The following ACTMAP variants were observed in gnomAD, a reference collection of about 807,000 sequenced individuals.
ACTMAP encodes the protein actin maturation protease.
the ACTMAP span, chr19:40,741,769 T>C: frequency 2.2e-6 from 1 of 456,622 alleles, no homozygotes; most frequent in East Asian, 6.9e-5. Flanking sequence ...ATCTGTCAAA[T>C]CGGGTCCATC....
the ACTMAP span, among the ~76,000 whole-genome samples, chr19:40,743,471 G>A: frequency 6.6e-6 from 1 of 152,056 alleles, no homozygotes; most frequent in Non-Finnish European, 1.5e-5. Flanking sequence ...GACCTCAAGC[G>A]ATCCACCCAC....
At chr19:40,746,690 A>G in the ACTMAP span, among the ~76,000 whole-genome samples, 2 of 151,578 alleles carry the variant, frequency 1.3e-5, no homozygotes, top group Non-Finnish European at 2.9e-5. Context: ...TTGTATTTTT[A>G]GTAGATACGG....
chr19:40,746,368 C>A, the ACTMAP span, among the ~76,000 whole-genome samples: 9 of 151,566 alleles, frequency 5.9e-5, no homozygotes, highest in Admixed American at 2.6e-4. Context: ...TATAGGCATG[C>A]GCCACCATGC....
the ACTMAP span, among the ~76,000 whole-genome samples, chr19:40,747,743 G>C: frequency 6.6e-6 from 1 of 152,194 alleles, no homozygotes; most frequent in East Asian, 1.9e-4. Flanking sequence ...GCGCACATCT[G>C]TGGTCCCAGC....
chr19:40,746,567 G>A, the ACTMAP span, among the ~76,000 whole-genome samples: 3 of 152,124 alleles, frequency 2.0e-5, no homozygotes, highest in Non-Finnish European at 1.5e-5. Context: ...AGTAGCAACA[G>A]GGTTTCACCC....
the ACTMAP span, chr19:40,742,366 T>C: frequency 4.3e-6 from 6 of 1,384,990 alleles, no homozygotes; most frequent in Non-Finnish European, 4.8e-6. Context: ...CATCACACAG[T>C]GGGAGAAGTG....
the ACTMAP span, chr19:40,741,867 G>A: frequency 6.3e-4 from 286 of 456,024 alleles, 4 homozygotes; most frequent in African/African-American, 5.0e-3. Context: ...CTTTAAAACT[G>A]TGAAGACATG....
At chr19:40,741,771 G>A in the ACTMAP span, 13 of 456,620 alleles carry the variant, frequency 2.8e-5, no homozygotes, top group Admixed American at 7.0e-5. Flanking sequence ...CTGTCAAATC[G>A]GGTCCATCTA....
chr19:40,749,237 C>T, the ACTMAP span, among the ~76,000 whole-genome samples: 7 of 152,092 alleles, frequency 4.6e-5, no homozygotes, highest in Admixed American at 2.0e-4. Context: ...GTGATCCACC[C>T]GCCTCGGCCT....
chr19:40,743,159 C>T, the ACTMAP span, among the ~76,000 whole-genome samples: 1 of 152,020 alleles, frequency 6.6e-6, no homozygotes, highest in African/African-American at 2.4e-5. Flanking sequence ...GGCCTTCTTT[C>T]TTTCAGGCAG....
chr19:40,743,805 G>C, the ACTMAP span: 2 of 1,461,636 alleles, frequency 1.4e-6, no homozygotes, highest in South Asian at 1.2e-5. Flanking sequence ...GCCCAGCCTG[G>C]CTGGGGAGGC....
At chr19:40,750,088 G>A in the ACTMAP span, among the ~76,000 whole-genome samples, 1 of 152,156 alleles carries the variant, frequency 6.6e-6, no homozygotes, top group South Asian at 2.1e-4. Flanking sequence ...GGAGTCTTAG[G>A]TGGAGAGTTA....
the ACTMAP span, chr19:40,742,082 A>C: frequency 1.9e-6 from 1 of 515,700 alleles, no homozygotes; most frequent in Non-Finnish European, 3.8e-6. Flanking sequence ...CCTTGGGCTA[A>C]GGAGGGGTGA....
At chr19:40,748,079 G>A in the ACTMAP span, among the ~76,000 whole-genome samples, 1 of 152,104 alleles carries the variant, frequency 6.6e-6, no homozygotes, top group African/African-American at 2.4e-5. Context: ...ACACAACAGC[G>A]CCTGACATAG....
the ACTMAP span, chr19:40,745,167 A>AGAAGAG: frequency 6.4e-7 from 1 of 1,551,790 alleles, no homozygotes; most frequent in Non-Finnish European, 8.7e-7. Context: ...AGGTCTGCAC[A>AGAAGAG]GAAGAGGATC....
At chr19:40,749,406 C>CA in the ACTMAP span, 23 of 1,343,956 alleles carry the variant, frequency 1.7e-5, no homozygotes, top group Non-Finnish European at 2.1e-5. Flanking sequence ...ACACGGGAAC[C>CA]CCCCCCCCAC....
the ACTMAP span, among the ~76,000 whole-genome samples, chr19:40,748,234 C>T: frequency 2.0e-5 from 3 of 152,054 alleles, no homozygotes; most frequent in Admixed American, 6.6e-5. Context: ...GAGGCTGAGG[C>T]AGGTGGATCA....
the ACTMAP span, among the ~76,000 whole-genome samples, chr19:40,743,545 A>G: frequency 1.3e-4 from 20 of 152,012 alleles, no homozygotes; most frequent in African/African-American, 4.8e-4. Context: ...GCCTTGTTCT[A>G]AGAGTGCTGA....
chr19:40,749,968 C>T, the ACTMAP span: 2 of 530,308 alleles, frequency 3.8e-6, no homozygotes, highest in Non-Finnish European at 6.3e-6. Context: ...TATTTGAAAC[C>T]ACGGGAGCAG....
Sources: allele counts gnomAD v4.1 joint callset (sites outside exome capture counted in the v4.1 genomes callset), GRCh38; gene constraint gnomAD v4.1.1; transcripts MANE v1.5; gene names NCBI Gene and HGNC (gene_info 2026-07-23, HGNC 2026-07-21).